The following STK31 variants were observed in gnomAD, a reference collection of about 807,000 sequenced individuals.
The protein encoded by STK31 is serine/threonine-protein kinase 31.
In STK31, 89 loss-of-function variants were observed where a neutral mutation model predicts 129.7. The ratio of observed to expected loss-of-function variants is 0.69; its 90% CI spans 0.58 to 0.82. The LOEUF (loss-of-function observed/expected upper bound fraction) is 0.82. Among genes scored for constraint, STK31 ranks in the 40% least tolerant of loss-of-function variants. The pLI, the probability that STK31 is intolerant of heterozygous loss-of-function variation, is 0.00. For missense variants in STK31, 1,187 were observed against 1,176.4 expected (o/e 1.01, Z -0.13); for synonymous variants, 448 against 395.3 (o/e 1.13, Z -1.58).
intron 22 of STK31, among the ~76,000 whole-genome samples, chr7:23,801,355 G>T (rs73271384): frequency 0.02 from 3,048 of 152,138 alleles, 124 homozygotes; most frequent in African/African-American, 0.07. Context: ...TTTCTTTGGT[G>T]AAGTGTCTGT....
intron 14 of STK31, chr7:23,771,350 T>A: frequency 3.1e-6 from 1 of 325,742 alleles, no homozygotes; most frequent in Admixed American, 4.9e-5. Context: ...CATCATTTTC[T>A]TTTTGCCTGT....
chr7:23,829,602 T>A (rs1583353058), intron 23 of STK31, among the ~76,000 whole-genome samples: 1 of 152,226 alleles, frequency 6.6e-6, no homozygotes, highest in East Asian at 1.9e-4. Flanking sequence ...TGTTGTTGTG[T>A]CCTTGTCTGG....
At chr7:23,780,934 A>G (rs1790885837) in intron 15 of STK31, among the ~76,000 whole-genome samples, 1 of 152,192 alleles carries the variant, frequency 6.6e-6, no homozygotes. Context: ...TTTAAAGTTC[A>G]CAAGATTTAT....
At chr7:23,797,180 C>A (rs1030988613) in intron 22 of STK31, among the ~76,000 whole-genome samples, 28 of 151,494 alleles carry the variant, frequency 1.8e-4, no homozygotes, top group African/African-American at 6.8e-4. Context: ...ACTTTAACAC[C>A]CCACCGTCAA....
chr7:23,826,694 T>C (rs1291435128), intron 23 of STK31, among the ~76,000 whole-genome samples: 5 of 152,212 alleles, frequency 3.3e-5, no homozygotes, highest in South Asian at 2.1e-4. Flanking sequence ...TTCCTAGCCT[T>C]GATGGTCTTT....
intron 15 of STK31, among the ~76,000 whole-genome samples, chr7:23,778,771 T>C (rs1245784415): frequency 1.3e-5 from 2 of 152,104 alleles, no homozygotes; most frequent in Non-Finnish European, 2.9e-5. Context: ...TTCCATTGGG[T>C]TAGAACATGC....
chr7:23,818,284 T>G (rs1399808469), intron 23 of STK31, among the ~76,000 whole-genome samples: 1 of 152,158 alleles, frequency 6.6e-6, no homozygotes, highest in Non-Finnish European at 1.5e-5. Context: ...GCTGATTGCA[T>G]CCTTATGGTA....
intron 4 of STK31, 142 bp from the exon 5 acceptor site, chr7:23,727,099 G>T (rs1584337160): frequency 1.5e-6 from 1 of 678,824 alleles, no homozygotes. Context: ...CAAAGTACCT[G>T]CCTGATAGGA....
intron 3 of STK31, among the ~76,000 whole-genome samples, chr7:23,717,248 A>G (rs766637059): frequency 5.3e-5 from 8 of 151,562 alleles, no homozygotes; most frequent in African/African-American, 9.7e-5. Flanking sequence ...TATATTTGGT[A>G]TCTTGTTTGA....
chr7:23,718,907 T>C (rs1279974285), intron 4 of STK31, among the ~76,000 whole-genome samples: 3 of 152,074 alleles, frequency 2.0e-5, no homozygotes, highest in Non-Finnish European at 2.9e-5. Flanking sequence ...TCTGCCAAAG[T>C]AGATACTGCC....
intron 23 of STK31, among the ~76,000 whole-genome samples, chr7:23,830,513 C>T (rs1013462100): frequency 5.6e-4 from 85 of 151,864 alleles, no homozygotes; most frequent in Non-Finnish European, 7.4e-5. Context: ...AGTGATTGCT[C>T]GAAGACATTT....
At position 23,787,747 on chromosome 7, in the gene STK31, C is replaced by T. The variant is rs976761991; in HGVS notation, c.2488-233C>T. Among the ~76,000 whole-genome samples, 4 of 41,328 alleles carry T rather than the reference C, an allele frequency of 9.7e-5. No homozygotes were observed. The Admixed American group carries it at 1.2e-3, about 12-fold the overall frequency. 27.1% of individuals were successfully genotyped at this position (41,328 alleles called of 152,430 possible). A position where few individuals can be genotyped will look rare whatever the true frequency, so the allele number is the denominator to read the frequency against. On this transcript the variant is annotated intron_variant, in intron 20 of 23. Coordinates refer to ENST00000355870, the MANE Select transcript of STK31 (RefSeq NM_031414.5). ...TGCCCAAAAGGTATGATTGTACACACACACACACACACACACACACACACA... is the reference window on the plus strand; with the variant it reads ...TGCCCAAAAGGTATGATTGTACACATACACACACACACACACACACACACA...
chr7:23,780,888 C>G (rs1348345698), intron 15 of STK31, among the ~76,000 whole-genome samples: 1 of 152,196 alleles, frequency 6.6e-6, no homozygotes, highest in Non-Finnish European at 1.5e-5. Flanking sequence ...TTGCCTGACA[C>G]AGTTCCCAGC....
In STK31 at chr7:23,832,337, A is replaced by C. The variant is rs1179843189; in HGVS notation, c.3031A>C (p.Arg1011=). Residue 1011 remains arginine (R), a synonymous_variant, in exon 24 of 24, where the codon AGA becomes CGA. Coordinates refer to ENST00000355870, the MANE Select transcript of STK31 (RefSeq NM_031414.5). ...CTTGGATAAATGTATGGAGAAGACA[A>C]GAAATGGTGAAGCCAACTTTGATTG... ...ENLDKCMEKT[R]NGEANFDC The C allele has an allele frequency of 1.2e-6, 2 of 1,611,122 alleles. No individual in the cohort carries two copies. Among genetic ancestry groups the C allele is most frequent in the African/African-American group, 2.7e-5 (2 of 74,712 alleles).
intron 17 of STK31, among the ~76,000 whole-genome samples, chr7:23,784,978 G>GT (rs1287010774): frequency 4.0e-5 from 6 of 151,738 alleles, no homozygotes; most frequent in Non-Finnish European, 5.9e-5. Context: ...TTTATTTTTT[G>GT]TTTTTTTACA....
chr7:23,815,359 T>C (rs927427416), intron 23 of STK31, 147 bp downstream of exon 23: 2 of 539,650 alleles, frequency 3.7e-6, no homozygotes, highest in Admixed American at 3.8e-5. Context: ...TCAGGTGCCC[T>C]ACTTAACACC....
chr7:23,750,076 G>GCC (rs1236953827), intron 8 of STK31, among the ~76,000 whole-genome samples: 2 of 104,162 alleles, frequency 1.9e-5, no homozygotes, highest in East Asian at 2.7e-4. Flanking sequence ...TTCCCCCCCC[G>GCC]CCACTGCTGG....
intron 13 of STK31, 56 bp downstream of exon 13, chr7:23,769,812 A>G (rs566874328): frequency 2.0e-4 from 230 of 1,178,514 alleles, no homozygotes; most frequent in Non-Finnish European, 2.6e-4. Context: ...GTTTCCTTTC[A>G]TGGTTAGAAA....
chr7:23,809,339 C>A (rs1792938243), intron 22 of STK31, among the ~76,000 whole-genome samples: 1 of 152,060 alleles, frequency 6.6e-6, no homozygotes, highest in South Asian at 2.1e-4. Context: ...TTCCTCTCAA[C>A]AATTATTTTA....
Sources: gnomAD v4.1 joint callset for allele counts (sites outside exome capture counted in the v4.1 genomes callset) on GRCh38, gnomAD v4.1.1 for gene constraint, MANE v1.5 for transcripts, NCBI Gene and HGNC (gene_info 2026-07-23, HGNC 2026-07-21) for gene names.